The following DRD2 variants were observed in gnomAD, a reference collection of about 807,000 sequenced individuals.
DRD2 encodes the protein dopamine receptor D2, also known as D(2) dopamine receptor.
Under a neutral mutation model 38.0 loss-of-function variants are expected in DRD2, and 8 were observed. That is an observed-to-expected ratio of 0.21 (90% CI 0.12 to 0.38). The LOEUF (loss-of-function observed/expected upper bound fraction) is 0.38, where lower values mean the gene tolerates loss of function less well. Among genes scored for constraint, DRD2 ranks in the 10% least tolerant of loss-of-function variants. The pLI is 1.00. For synonymous variants in DRD2, 230 were observed against 238.6 expected, an observed-to-expected ratio of 0.96 and a Z score of 0.33; for missense variants, 403 against 607.7, an observed-to-expected ratio of 0.66 and a Z score of 3.54.
chr11:113,463,690 A>C (rs756367691), intron 1 of DRD2, among the ~76,000 whole-genome samples: 64 of 152,348 alleles, frequency 4.2e-4, no homozygotes, highest in Admixed American at 6.5e-4. Context: ...TGTGCAGTGC[A>C]GCAGGCAGGC....
At chr11:113,464,417 A>T (rs1951349722) in intron 1 of DRD2, among the ~76,000 whole-genome samples, 1 of 151,982 alleles carries the variant, frequency 6.6e-6, no homozygotes, top group Non-Finnish European at 1.5e-5. Flanking sequence ...TGCCCACTCT[A>T]TCTCTCTTTG....
intron 1 of DRD2, among the ~76,000 whole-genome samples, chr11:113,471,931 C>T (rs1376554365): frequency 6.6e-6 from 1 of 152,188 alleles, no homozygotes; most frequent in African/African-American, 2.4e-5. Context: ...CTGTAGCCTG[C>T]TGATATATAA....
chr11:113,430,287 T>C (rs1167177968), intron 1 of DRD2, among the ~76,000 whole-genome samples: 1 of 152,182 alleles, frequency 6.6e-6, no homozygotes. Context: ...CCAGCTGCTA[T>C]AGCCGATGAC....
intron 1 of DRD2, among the ~76,000 whole-genome samples, chr11:113,434,064 C>A (rs1379231276): frequency 1.3e-5 from 2 of 152,186 alleles, no homozygotes; most frequent in Non-Finnish European, 2.9e-5. Flanking sequence ...CCCTTCAGGA[C>A]TATCTTTCCA....
intron 4 of DRD2, among the ~76,000 whole-genome samples, chr11:113,416,096 G>T (rs1020694723): frequency 6.6e-6 from 1 of 152,172 alleles, no homozygotes; most frequent in Non-Finnish European, 1.5e-5. Context: ...TGCCCTTCTA[G>T]GTCTACCAGA....
intron 1 of DRD2, among the ~76,000 whole-genome samples, chr11:113,439,838 CAAAAAAAAAAAAAAAAAAAAAAA>C (rs67577307): frequency 2.5e-4 from 4 of 16,254 alleles, no homozygotes; most frequent in South Asian, 4.7e-3. Flanking sequence ...GGCTCTGTCT[CAAAAAAAAAAAAAAAAAAAAAAA>C]AAAAAAAAAA....
chr11:113,463,115 A>T (rs1420989116), intron 1 of DRD2, among the ~76,000 whole-genome samples: 1 of 152,268 alleles, frequency 6.6e-6, no homozygotes, highest in East Asian at 1.9e-4. Context: ...CATCACATAA[A>T]GTGAACCCCT....
In DRD2 at chr11:113,418,038, G is replaced by A; in HGVS notation, c.384C>T (p.Ile128=). 1 of 1,614,130 alleles carries A rather than the reference G, an allele frequency of 6.2e-7. No individual in the cohort carries two copies. The highest frequency in any genetic ancestry group is 8.5e-7 in the Non-Finnish European group (1 of 1,179,992). ...CTASILNLCA[I]SIDRYTAVAM... The stretch of plus-strand genomic sequence containing the variant: ...CTGGCTGGGCTCACCTGTCGATGCT[G>A]ATGGCACACAAGTTCAGGATGCTCG... The change falls in exon 3 of 8, where the codon ATC becomes ATT. Residue 128 remains isoleucine (I), a synonymous_variant. Transcript: ENST00000362072.
Position 113,412,842 on chromosome 11 carries a change from G to C in DRD2, c.852C>G (p.Leu284=). ...RRAQELEMEM[L]SSTSPPERTR... is the part of the protein sequence containing the mutation. Reference sequence around the variant, plus strand: ...TCCTCTCGGGTGGGCTGGTGCTGGAGAGCATCTCCATCTCCAGCTCCTGGG... The same window carrying C: ...TCCTCTCGGGTGGGCTGGTGCTGGACAGCATCTCCATCTCCAGCTCCTGGG... Residue 284 remains leucine, a synonymous_variant, in exon 7 of 8, where the codon CTC becomes CTG. Transcript: ENST00000362072. 3 of 1,613,034 alleles carry C rather than the reference G, an allele frequency of 1.9e-6. No homozygotes were observed. The highest frequency in any genetic ancestry group is 2.5e-6 in the Non-Finnish European group (3 of 1,179,878).
chr11:113,417,342 T>G (rs899901736), intron 3 of DRD2, among the ~76,000 whole-genome samples: 1 of 152,188 alleles, frequency 6.6e-6, no homozygotes, highest in African/African-American at 2.4e-5. Flanking sequence ...GTTGAGCCCA[T>G]AAGGTGGAAA....
intron 1 of DRD2, among the ~76,000 whole-genome samples, chr11:113,428,420 C>T (rs566435277): frequency 2.0e-5 from 3 of 152,302 alleles, no homozygotes; most frequent in Admixed American, 2.0e-4. Context: ...TTGAAAGAGG[C>T]ATCTCTCCTC....
chr11:113,452,045 G>A (rs1951214506), intron 1 of DRD2, among the ~76,000 whole-genome samples: 1 of 152,050 alleles, frequency 6.6e-6, no homozygotes, highest in Non-Finnish European at 1.5e-5. Context: ...CAGCCTGCCT[G>A]CCAGCAGCCC....
chr11:113,431,023 G>T (rs892148157), intron 1 of DRD2, among the ~76,000 whole-genome samples: 1 of 152,166 alleles, frequency 6.6e-6, no homozygotes, highest in Non-Finnish European at 1.5e-5. Flanking sequence ...ATTTTTGATT[G>T]TGAAAATATG....
At position 113,410,754 on chromosome 11, in the gene DRD2, C is replaced by T. The variant is rs77930100; in HGVS notation, c.1305G>A (p.Lys435=). The change falls in exon 8 of 8, where the codon AAG becomes AAA. Residue 435 remains lysine, a synonymous_variant. Transcript: ENST00000362072. The part of the protein sequence containing the change: ...IYTTFNIEFR[K]AFLKILHC ...AGCAGTGGAGGATCTTCAGGAAGGC[C>T]TTGCGGAACTCAATGTTGAAGGTGG... 3.9e-4 allele frequency: 631 copies of T among 1,614,090 alleles called. 2 individuals are homozygous for T. The highest frequency in any genetic ancestry group is 1.5e-3 in the Middle Eastern group (9 of 6,084).
chr11:113,473,528 G>A (rs548947940), intron 1 of DRD2, among the ~76,000 whole-genome samples: 3 of 152,310 alleles, frequency 2.0e-5, no homozygotes, highest in African/African-American at 7.2e-5. Flanking sequence ...TGCAGGGAAG[G>A]TAGAAGGAAC....
chr11:113,417,057 A>T, intron 3 of DRD2, 58 bp from the exon 4 acceptor site: 1 of 1,597,370 alleles, frequency 6.3e-7, no homozygotes, highest in Non-Finnish European at 8.5e-7. Flanking sequence ...CTCACTCCAC[A>T]ATATGCACAC....
chr11:113,466,671 C>A (rs1186167777), intron 1 of DRD2, among the ~76,000 whole-genome samples: 1 of 152,164 alleles, frequency 6.6e-6, no homozygotes, highest in Non-Finnish European at 1.5e-5. Context: ...TGTTAAGCTG[C>A]AAGTAAAGTA....
At chr11:113,419,445 G>GGC (rs944372924) in intron 2 of DRD2, among the ~76,000 whole-genome samples, 6 of 55,284 alleles carry the variant, frequency 1.1e-4, no homozygotes, top group African/African-American at 1.9e-4. Context: ...CATGCACACA[G>GGC]GCACACACAC....
intron 1 of DRD2, among the ~76,000 whole-genome samples, chr11:113,456,796 A>G (rs1951271806): frequency 6.6e-6 from 1 of 152,232 alleles, no homozygotes; most frequent in Admixed American, 6.5e-5. Context: ...CAGTGTTTCA[A>G]GACGAGAAAG....
Sources: gnomAD v4.1 joint callset for allele counts (sites outside exome capture counted in the v4.1 genomes callset) on GRCh38, gnomAD v4.1.1 for gene constraint, MANE v1.5 for transcripts, NCBI Gene and HGNC (gene_info 2026-07-23, HGNC 2026-07-21) for gene names.